VPS13B: variants seen among roughly 807,000 people sequenced by gnomAD.
VPS13B encodes vacuolar protein sorting 13 homolog B.
In VPS13B, 285 loss-of-function variants were observed where a neutral mutation model predicts 426.4. That is an observed-to-expected ratio of 0.67 (90% confidence interval 0.61 to 0.74). The LOEUF (loss-of-function observed/expected upper bound fraction) is 0.74. Ranked by LOEUF, VPS13B falls within the 30% of genes least tolerant of loss-of-function variation. The pLI, the probability that VPS13B is intolerant of heterozygous loss-of-function variation, is 0.00. For synonymous variants in VPS13B, 1,676 were observed against 1,676.4 expected (o/e 1.00, Z 0.01); for missense variants, 4,537 against 4,782.6 (o/e 0.95, Z 1.51).
Position 99,442,438 on chromosome 8 carries a change from A to G in VPS13B, c.3248A>G (p.Asp1083Gly). ...VQSCCVFIPN[D>G]SLPSPSTIVS... ...TCTTGTTGTGTGTTTATTCCAAATG[A>G]TAGCCTGCCTTCCCCAAGTACAATT... The change falls in exon 23 of 62, where the codon GAT becomes GGT. Residue 1083 changes from aspartate to glycine, a missense_variant. This residue lies in a region of VPS13B where 4,311 missense variants were observed against 4,474.3 expected (regional missense o/e 0.96). Coordinates refer to ENST00000357162, the MANE Select transcript of VPS13B (RefSeq NM_152564.5). 6.2e-7 allele frequency: 1 copy of G among 1,613,924 alleles called. No homozygotes were observed. The highest frequency in any genetic ancestry group is 8.5e-7 in the Non-Finnish European group (1 of 1,179,878).
intron 3 of VPS13B, among the ~76,000 whole-genome samples, chr8:99,041,641 C>G (rs1016071317): frequency 6.6e-6 from 1 of 152,150 alleles, no homozygotes; most frequent in African/African-American, 2.4e-5. Flanking sequence ...ATCACGAGGT[C>G]AGGAGATAGA....
chr8:99,198,837 T>C (rs1814107781), intron 17 of VPS13B, among the ~76,000 whole-genome samples: 1 of 152,142 alleles, frequency 6.6e-6, no homozygotes, highest in African/African-American at 2.4e-5. Flanking sequence ...AGTTTTCTTG[T>C]CTTTTTTCCC....
chr8:99,599,924 T>C (rs1311548070), intron 33 of VPS13B, among the ~76,000 whole-genome samples: 3 of 152,118 alleles, frequency 2.0e-5, no homozygotes, highest in Non-Finnish European at 2.9e-5. Flanking sequence ...AAAAATACAC[T>C]GGGGAGATGG....
At chr8:99,684,938 G>A (rs1407438972) in intron 35 of VPS13B, among the ~76,000 whole-genome samples, 1 of 152,166 alleles carries the variant, frequency 6.6e-6, no homozygotes, top group Non-Finnish European at 1.5e-5. Context: ...AAGTAGCTGG[G>A]ATTACAGGCA....
intron 39 of VPS13B, among the ~76,000 whole-genome samples, chr8:99,723,864 G>T (rs970526912): frequency 1.3e-5 from 2 of 152,220 alleles, no homozygotes; most frequent in Non-Finnish European, 2.9e-5. Flanking sequence ...ACTACCAGAA[G>T]TTAGAAAGGA....
chr8:99,739,497 A>G (rs943885595), intron 39 of VPS13B, among the ~76,000 whole-genome samples: 11 of 152,238 alleles, frequency 7.2e-5, no homozygotes, highest in African/African-American at 2.2e-4. Context: ...GCACACAGCC[A>G]GATATCTGAG....
chr8:99,308,797 A>G (rs1820787790), intron 19 of VPS13B, among the ~76,000 whole-genome samples: 1 of 152,124 alleles, frequency 6.6e-6, no homozygotes, highest in Non-Finnish European at 1.5e-5. Flanking sequence ...AGTGCCACCA[A>G]CAGTGTAAAA....
At chr8:99,020,971 A>G (rs1841854352) in intron 2 of VPS13B, among the ~76,000 whole-genome samples, 2 of 152,234 alleles carry the variant, frequency 1.3e-5, no homozygotes, top group African/African-American at 4.8e-5. Context: ...GATTTAATTT[A>G]AGACATATAG....
At chr8:99,136,606 T>G in intron 11 of VPS13B, 59 bp from the exon 12 acceptor site, 2 of 1,573,152 alleles carry the variant, frequency 1.3e-6, no homozygotes, top group South Asian at 2.2e-5. Flanking sequence ...CTATCAAGCT[T>G]TAAACTCAAA....
intron 22 of VPS13B, among the ~76,000 whole-genome samples, chr8:99,432,793 A>G (rs1448491875): frequency 2.0e-5 from 3 of 152,156 alleles, no homozygotes; most frequent in African/African-American, 4.8e-5. Flanking sequence ...CACAAGTTGG[A>G]GATTATAATA....
chr8:99,669,257 TG>T (rs1390964384), intron 35 of VPS13B, among the ~76,000 whole-genome samples: 1 of 145,184 alleles, frequency 6.9e-6, no homozygotes, highest in Non-Finnish European at 1.5e-5. Context: ...TCCTTAACTT[TG>T]AAATGCAATT....
intron 14 of VPS13B, among the ~76,000 whole-genome samples, chr8:99,152,140 A>G (rs1196250819): frequency 2.0e-5 from 3 of 152,024 alleles, no homozygotes; most frequent in East Asian, 1.9e-4. Flanking sequence ...TAATATATGA[A>G]CTCAATACTA....
chr8:99,238,502 G>A (rs1369455930), intron 17 of VPS13B, among the ~76,000 whole-genome samples: 1 of 152,168 alleles, frequency 6.6e-6, no homozygotes, highest in African/African-American at 2.4e-5. Context: ...GCGAGTTGCT[G>A]ATAAAAGTAG....
rs192275838 is a variant in VPS13B, at chr8:99,388,558, C to T, written c.2935-2999C>T. Reference sequence around the variant, plus strand: ...TGCAACTGAAATTTGAGAAGAGCTACAGTACCAGAAGGAAAAAGAATATAC... The same window carrying T: ...TGCAACTGAAATTTGAGAAGAGCTATAGTACCAGAAGGAAAAAGAATATAC... On this transcript the variant is annotated intron_variant, in intron 20 of 61. Coordinates refer to ENST00000357162, the MANE Select transcript of VPS13B (RefSeq NM_152564.5). 5.8e-4 allele frequency among the ~76,000 whole-genome samples: 89 copies of T among 152,150 alleles called. 1 individual carries two copies. Among genetic ancestry groups the T allele is most frequent in the African/African-American group, 2.1e-3 (88 of 41,508 alleles).
intron 3 of VPS13B, among the ~76,000 whole-genome samples, chr8:99,050,854 A>G (rs1002805983): frequency 5.3e-5 from 8 of 152,118 alleles, no homozygotes; most frequent in African/African-American, 1.7e-4. Context: ...GTCTGTTCAT[A>G]TGCTTTGCCC....
chr8:99,180,029 G>A (rs1812862680), intron 16 of VPS13B, among the ~76,000 whole-genome samples: 1 of 152,072 alleles, frequency 6.6e-6, no homozygotes, highest in Non-Finnish European at 1.5e-5. Flanking sequence ...ATATTTGAAA[G>A]TTATTAATTA....
At position 99,115,654 on chromosome 8, in the gene VPS13B, T is replaced by C. The variant is rs541943612; in HGVS notation, c.763-46T>C. ...ACATTTCTTTATGTAAAAAATACTC[T>C]TTTTAAACATGCGTTTGTTGGTGTT... On this transcript the variant is annotated intron_variant, in intron 6 of 61. Transcript: ENST00000357162. 44 of 1,589,492 alleles carry C rather than the reference T, an allele frequency of 2.8e-5. No homozygotes were observed. In the African/African-American group the frequency reaches 3.2e-4, roughly 12 times the overall value.
chr8:99,778,651 T>C, intron 41 of VPS13B, 31 bp from the exon 42 acceptor site: 1 of 1,584,418 alleles, frequency 6.3e-7, no homozygotes, highest in Non-Finnish European at 8.7e-7. Flanking sequence ...CTCATCTTAA[T>C]TGCTGTTTTC....
intron 2 of VPS13B, among the ~76,000 whole-genome samples, chr8:99,021,269 C>T (rs185481377): frequency 2.0e-5 from 3 of 152,262 alleles, no homozygotes; most frequent in Admixed American, 6.5e-5. Flanking sequence ...TGCTCTAAAT[C>T]GTTATATGTA....
Sources: allele counts gnomAD v4.1 joint callset (sites outside exome capture counted in the v4.1 genomes callset), GRCh38; gene constraint gnomAD v4.1.1; regional missense constraint gnomAD v4.1.1; transcripts MANE v1.5; gene names NCBI Gene and HGNC (gene_info 2026-07-23, HGNC 2026-07-21).